The following INSIG2 variants were observed in gnomAD, a reference collection of about 807,000 sequenced individuals.
INSIG2 encodes the protein insulin-induced gene 2 protein.
INSIG2 carries 10 observed loss-of-function variants against 27.2 expected under a neutral mutation model. The ratio of observed to expected loss-of-function variants is 0.37; its 90% confidence interval spans 0.23 to 0.62. The LOEUF is 0.62. Ranked by LOEUF, INSIG2 falls within the 20% of genes least tolerant of loss-of-function variation. The pLI, the probability that INSIG2 is intolerant of heterozygous loss-of-function variation, is 0.65. For missense variants in INSIG2, 178 were observed against 270.2 expected (o/e 0.66, Z 2.39); for synonymous variants, 97 against 95.8 (o/e 1.01, Z -0.07).
chr2:118,105,243 A>T (rs559488204), intron 3 of INSIG2, among the ~76,000 whole-genome samples: 1 of 150,800 alleles, frequency 6.6e-6, no homozygotes, highest in Admixed American at 6.6e-5. Context: ...GGGTTTCACC[A>T]TGTTAGCCAG....
At chr2:118,091,431 A>G (rs1343248173) in intron 1 of INSIG2, among the ~76,000 whole-genome samples, 2 of 152,200 alleles carry the variant, frequency 1.3e-5, no homozygotes, top group South Asian at 2.1e-4. Context: ...TGGCCTTGCT[A>G]ATAGAGTGAG....
intron 1 of INSIG2, among the ~76,000 whole-genome samples, chr2:118,095,313 A>T (rs369745961): frequency 5.9e-5 from 9 of 152,346 alleles, no homozygotes; most frequent in African/African-American, 1.7e-4. Context: ...CAAATATGTG[A>T]CAGTTTGGGA....
chr2:118,106,986 G>T (rs993298521), intron 4 of INSIG2, 83 bp downstream of exon 4: 1 of 1,532,486 alleles, frequency 6.5e-7, no homozygotes, highest in Non-Finnish European at 9.0e-7. Flanking sequence ...ATTATGAAAT[G>T]AGGTTAGCCA....
At chr2:118,090,357 A>AT (rs967081541) in intron 1 of INSIG2, among the ~76,000 whole-genome samples, 3 of 152,136 alleles carry the variant, frequency 2.0e-5, no homozygotes, top group Non-Finnish European at 4.4e-5. Context: ...TTACTAGAAG[A>AT]TTTTGTATGT....
chr2:118,092,810 AT>A (rs1177071356), intron 1 of INSIG2, among the ~76,000 whole-genome samples: 3 of 152,026 alleles, frequency 2.0e-5, no homozygotes, highest in Non-Finnish European at 4.4e-5. Context: ...AATGATGATG[AT>A]GATGAGGAGG....
In INSIG2 at chr2:118,110,152, C is replaced by A. The variant is rs951332639; in HGVS notation, c.*1830C>A. 6.6e-6 allele frequency: 1 copy of A among 152,092 alleles called. No homozygotes were observed. The highest frequency in any genetic ancestry group is 2.4e-5 in the African/African-American group (1 of 41,394). The allele number at this position is 152,092 out of a possible 1,614,324, so 9.4% of individuals were successfully genotyped here. On this transcript the variant is annotated 3_prime_UTR_variant, in exon 6 of 6. Transcript: ENST00000245787. ...ATGAAAAGAAACTAAATATAGTTGA[C>A]CCTTGAACAACAGGAGTTAGGGGCA...
At chr2:118,107,711 G>A (rs1678708492) in intron 5 of INSIG2, among the ~76,000 whole-genome samples, 1 of 152,170 alleles carries the variant, frequency 6.6e-6, no homozygotes, top group Non-Finnish European at 1.5e-5. Flanking sequence ...TTACTTTGCT[G>A]TATTTTTGGT....
chr2:118,097,966 A>G (rs555716443), intron 2 of INSIG2, among the ~76,000 whole-genome samples: 1 of 152,300 alleles, frequency 6.6e-6, no homozygotes, highest in South Asian at 2.1e-4. Flanking sequence ...GTGTTTATAT[A>G]CTGATGTCTC....
intron 2 of INSIG2, among the ~76,000 whole-genome samples, chr2:118,097,306 G>C (rs1678433147): frequency 6.6e-6 from 1 of 152,258 alleles, no homozygotes; most frequent in East Asian, 1.9e-4. Flanking sequence ...TAAGTTATTT[G>C]GATGATGAGC....
chr2:118,107,295 AT>A, intron 5 of INSIG2, 106 bp downstream of exon 5: 1 of 731,372 alleles, frequency 1.4e-6, no homozygotes, highest in Non-Finnish European at 2.3e-6. Flanking sequence ...ACATTCTTTG[AT>A]TGCTTTTTTG....
At chr2:118,101,234 G>A (rs1678537445) in intron 2 of INSIG2, among the ~76,000 whole-genome samples, 1 of 152,198 alleles carries the variant, frequency 6.6e-6, no homozygotes, top group Non-Finnish European at 1.5e-5. Flanking sequence ...TTAATGGGAA[G>A]TGACAAGCTT....
At chr2:118,106,979 A>G (rs112333264) in intron 4 of INSIG2, 76 bp downstream of exon 4, 35 of 1,544,236 alleles carry the variant, frequency 2.3e-5, no homozygotes, top group African/African-American at 2.2e-4. Context: ...AATTGAGATT[A>G]TGAAATGAGG....
rs770846276 is a variant in INSIG2, at chr2:118,107,090, A to G, written c.537A>G (p.Gln179=). Residue 179 remains glutamine (Q), a splice_region_variant and synonymous_variant, in exon 5 of 6, where the codon CAA becomes CAG. Transcript: ENST00000245787. ...TQLLVYNGVY[Q]YTSPDFLYVR... ...ATTAAAGACATGTCTGTTATTCTAG[A>G]TATACATCTCCAGATTTCCTCTATG... 2 of 1,598,000 alleles carry G rather than the reference A, an allele frequency of 1.3e-6. No individual in the cohort carries two copies. Among genetic ancestry groups the G allele is most frequent in the Middle Eastern group, 1.6e-4 (1 of 6,066 alleles).
At chr2:118,103,963 C>T (rs1678612450) in intron 3 of INSIG2, among the ~76,000 whole-genome samples, 1 of 152,172 alleles carries the variant, frequency 6.6e-6, no homozygotes, top group African/African-American at 2.4e-5. Context: ...CCCCTTTCTA[C>T]CTTCTCTGCC....
intron 1 of INSIG2, among the ~76,000 whole-genome samples, chr2:118,093,935 T>TGAGGAG (rs1372505508): frequency 3.7e-5 from 1 of 27,218 alleles, no homozygotes; most frequent in Non-Finnish European, 7.3e-5. Flanking sequence ...ATGATGATGA[T>TGAGGAG]GATGATGAGG....
intron 1 of INSIG2, among the ~76,000 whole-genome samples, chr2:118,094,307 C>T (rs1678355342): frequency 7.0e-6 from 1 of 143,748 alleles, no homozygotes; most frequent in African/African-American, 2.7e-5. Context: ...CCAAAAGCAA[C>T]CAGATGATGA....
At position 118,108,711 on chromosome 2, in the gene INSIG2, C is replaced by T. The variant is rs908767822; in HGVS notation, c.*389C>T. The stretch of plus-strand genomic sequence containing the variant: ...AAGAATGCTTTGAACAATTTGTAGA[C>T]TTAGTGAAATAAAATAAGAGGAAAG... On this transcript the variant is annotated 3_prime_UTR_variant, in exon 6 of 6. Coordinates refer to ENST00000245787, the MANE Select transcript of INSIG2 (RefSeq NM_016133.4). 10 of 154,854 alleles carry T rather than the reference C, an allele frequency of 6.5e-5. No homozygotes were observed. Among genetic ancestry groups the T allele is most frequent in the African/African-American group, 2.4e-4 (10 of 41,506 alleles). The allele number at this position is 154,854 out of a possible 1,614,324, so 9.6% of individuals were successfully genotyped here. A position where few individuals can be genotyped will look rare whatever the true frequency, so the allele number is the denominator to read the frequency against.
intron 2 of INSIG2, among the ~76,000 whole-genome samples, chr2:118,097,337 G>A (rs1177573529): frequency 6.6e-6 from 1 of 152,130 alleles, no homozygotes; most frequent in East Asian, 1.9e-4. Context: ...GGTTTTAAGG[G>A]TTTGATGCAT....
At chr2:118,107,989 A>G (rs1168460511) in intron 5 of INSIG2, among the ~76,000 whole-genome samples, 2 of 152,172 alleles carry the variant, frequency 1.3e-5, no homozygotes, top group African/African-American at 4.8e-5. Flanking sequence ...TTCGACATTA[A>G]AAGATTGATC....
Sources: allele counts gnomAD v4.1 joint callset (sites outside exome capture counted in the v4.1 genomes callset), GRCh38; gene constraint gnomAD v4.1.1; transcripts MANE v1.5; gene names NCBI Gene and HGNC (gene_info 2026-07-23, HGNC 2026-07-21).